The following MEGF11 variants were observed in gnomAD, a reference collection of about 807,000 sequenced individuals.
MEGF11 encodes multiple EGF like domains 11, also known as multiple epidermal growth factor-like domains protein 11.
In MEGF11, 126 loss-of-function variants were observed where a neutral mutation model predicts 146.6. The ratio of observed to expected loss-of-function variants is 0.86; its 90% CI spans 0.74 to 1.00. The LOEUF is 1.00. MEGF11 is among the 50% of genes least tolerant of loss of function. MEGF11 has a pLI of 0.00. For synonymous variants in MEGF11, 532 were observed against 583.4 expected (o/e 0.91, Z 1.27); for missense variants, 1,509 against 1,521.2 (o/e 0.99, Z 0.13).
At position 65,915,538 on chromosome 15, in the gene MEGF11, G is replaced by A. The variant is rs748984343; in HGVS notation, c.2405C>T (p.Ser802Phe). The change falls in exon 19 of 26, where the codon TCC (serine) becomes TTC (phenylalanine). Residue 802 changes from serine (S) to phenylalanine (F), a missense_variant. Transcript: ENST00000395614. ...GGTGCCGGTGACATGGTCACAGGTG[G>A]AGTTGTTCATGCACTCACATAGCTG... ...CQQLCECMNN[S>F]TCDHVTGTCY... is the part of the protein sequence containing the mutation. The A allele has an allele frequency of 1.9e-6, 3 of 1,613,854 alleles. No homozygotes were observed. In the African/African-American group the frequency reaches 4.0e-5, roughly 22 times the overall value.
intron 8 of MEGF11, 85 bp from the exon 9 acceptor site, chr15:65,965,205 G>T: frequency 1.7e-6 from 2 of 1,185,212 alleles, no homozygotes; most frequent in Non-Finnish European, 2.4e-6. Context: ...GGTCCTCCTG[G>T]CCATCTGGCC....
intron 1 of MEGF11, among the ~76,000 whole-genome samples, chr15:66,209,725 A>C (rs2091395721): frequency 1.3e-5 from 2 of 152,210 alleles, no homozygotes; most frequent in South Asian, 4.1e-4. Flanking sequence ...ATAGAAAAGG[A>C]AATAAGATTA....
At chr15:66,032,596 A>G (rs142607754) in intron 5 of MEGF11, among the ~76,000 whole-genome samples, 72 of 152,364 alleles carry the variant, frequency 4.7e-4, no homozygotes, top group African/African-American at 1.6e-3. Context: ...TGGAACTAAG[A>G]AACAAGGTAT....
In MEGF11 at chr15:65,974,154, A is replaced by T. The variant is rs571028239; in HGVS notation, c.763-3465T>A. On this transcript the variant is annotated intron_variant, in intron 7 of 25. Transcript: ENST00000395614. ...TGCAGAAGCTAGTTTATTCAGGAAA[A>T]TTGTGCCAGACCAGAGTCATCTTTC... is the stretch of plus-strand genomic sequence containing the variant. Among the ~76,000 whole-genome samples, 65 of 152,298 alleles carry T rather than the reference A, an allele frequency of 4.3e-4. No individual in the cohort carries two copies. In the Middle Eastern group the frequency reaches 0.014, roughly 32 times the overall value.
At chr15:66,070,906 A>G (rs1333163028) in intron 5 of MEGF11, among the ~76,000 whole-genome samples, 3 of 152,182 alleles carry the variant, frequency 2.0e-5, no homozygotes, top group Admixed American at 1.3e-4. Context: ...ACCAAAGTTT[A>G]TAGGAACATA....
chr15:66,197,146 A>G lies in MEGF11; in HGVS notation c.-9+56459T>C, dbSNP rs533112405. Reference sequence around the variant, plus strand: ...CTTCATATGTAAATCTGGGCAGAGTAAGTTCTGATGTGAGGAAAAAAGGCT... The same window carrying G: ...CTTCATATGTAAATCTGGGCAGAGTGAGTTCTGATGTGAGGAAAAAAGGCT... On this transcript the variant is annotated intron_variant, in intron 1 of 25. Coordinates refer to ENST00000395614, the MANE Select transcript of MEGF11 (RefSeq NM_001385028.1). 2.0e-5 allele frequency among the ~76,000 whole-genome samples: 3 copies of G among 152,348 alleles called. No homozygotes were observed. In the South Asian group the frequency reaches 6.2e-4, roughly 32 times the overall value.
intron 5 of MEGF11, among the ~76,000 whole-genome samples, chr15:66,086,630 C>T (rs1421498400): frequency 1.3e-5 from 2 of 152,136 alleles, no homozygotes; most frequent in Non-Finnish European, 2.9e-5. Flanking sequence ...TCGCCATTAC[C>T]AAGCCACCAC....
At chr15:66,232,516 G>T (rs1275716058) in intron 1 of MEGF11, among the ~76,000 whole-genome samples, 1 of 152,038 alleles carries the variant, frequency 6.6e-6, no homozygotes, top group Non-Finnish European at 1.5e-5. Context: ...TAAAATCCTA[G>T]CTCCCTTAAA....
chr15:66,024,513 G>T (rs772575659), intron 5 of MEGF11, among the ~76,000 whole-genome samples: 1 of 152,262 alleles, frequency 6.6e-6, no homozygotes, highest in Non-Finnish European at 1.5e-5. Flanking sequence ...CTGCCTCAAA[G>T]AAGTAGTAAT....
At chr15:66,133,538 A>G (rs2088750544) in intron 1 of MEGF11, among the ~76,000 whole-genome samples, 1 of 152,222 alleles carries the variant, frequency 6.6e-6, no homozygotes, top group African/African-American at 2.4e-5. Context: ...GCAAATGCCA[A>G]GGTTATCGCC....
chr15:66,240,300 T>G (rs2092184501), intron 1 of MEGF11, among the ~76,000 whole-genome samples: 1 of 152,114 alleles, frequency 6.6e-6, no homozygotes, highest in Non-Finnish European at 1.5e-5. Flanking sequence ...GGGGCTGAAT[T>G]TTCGGAGACA....
At chr15:66,016,400 C>T (rs1219930247) in intron 5 of MEGF11, among the ~76,000 whole-genome samples, 3 of 152,098 alleles carry the variant, frequency 2.0e-5, no homozygotes, top group Non-Finnish European at 4.4e-5. Context: ...AATCACAACC[C>T]CGAGTTTTCT....
chr15:66,161,481 G>A (rs1406879140), intron 1 of MEGF11, among the ~76,000 whole-genome samples: 4 of 152,114 alleles, frequency 2.6e-5, no homozygotes, highest in African/African-American at 9.7e-5. Context: ...AACCTCCCAG[G>A]TTCAAGAGAT....
At chr15:65,914,682 C>T (rs1175890831) in intron 19 of MEGF11, among the ~76,000 whole-genome samples, 1 of 152,184 alleles carries the variant, frequency 6.6e-6, no homozygotes, top group Admixed American at 6.5e-5. Context: ...CTGAACTGAG[C>T]TGGCCAACAT....
chr15:66,154,497 G>A (rs1000492480), intron 1 of MEGF11, among the ~76,000 whole-genome samples: 6 of 152,226 alleles, frequency 3.9e-5, no homozygotes, highest in Non-Finnish European at 1.5e-5. Flanking sequence ...CAACATCTGG[G>A]TTATAAATAA....
rs752427290 is a variant in MEGF11 at position 65,957,697 on chromosome 15, A to G, written c.1137T>C (p.Cys379=). Residue 379 remains cysteine, a synonymous_variant, in exon 10 of 26, where the codon TGT becomes TGC. Coordinates refer to ENST00000395614, the MANE Select transcript of MEGF11 (RefSeq NM_001385028.1). The stretch of plus-strand genomic sequence containing the variant: ...GACCAGACCAGCCTGGCTGGCAGGT[A>G]CAAGCTCCAGTTACTGGGTGGCAGC... The part of the protein sequence containing the change: ...TISCHPVTGA[C]TCQPGWSGHH... 12 of 1,613,710 alleles carry G rather than the reference A, an allele frequency of 7.4e-6. No homozygotes were observed. The Admixed American group carries it at 1.2e-4, about 16-fold the overall frequency.
chr15:66,177,463 A>G (rs781337859), intron 1 of MEGF11, among the ~76,000 whole-genome samples: 1 of 152,148 alleles, frequency 6.6e-6, no homozygotes, highest in Non-Finnish European at 1.5e-5. Context: ...TAATATGCAC[A>G]GTAATCTTTC....
chr15:66,053,301 T>G (rs1022675473), intron 5 of MEGF11, among the ~76,000 whole-genome samples: 1 of 152,218 alleles, frequency 6.6e-6, no homozygotes, highest in Non-Finnish European at 1.5e-5. Context: ...ACTAACATCC[T>G]TGCCTGTTAA....
intron 5 of MEGF11, among the ~76,000 whole-genome samples, chr15:66,074,892 T>G (rs2085510382): frequency 6.6e-6 from 1 of 152,204 alleles, no homozygotes; most frequent in African/African-American, 2.4e-5. Context: ...TTTGCATATC[T>G]TTGATTCCTA....
Sources: gnomAD v4.1 joint callset for allele counts (sites outside exome capture counted in the v4.1 genomes callset) on GRCh38, gnomAD v4.1.1 for gene constraint, MANE v1.5 for transcripts, NCBI Gene and HGNC (gene_info 2026-07-23, HGNC 2026-07-21) for gene names.